COL5A1: variants seen among roughly 807,000 people sequenced by gnomAD.
COL5A1 encodes the protein collagen alpha-1(V) chain.
Under a neutral mutation model 263.7 loss-of-function variants are expected in COL5A1, and 16 were observed. That is an observed-to-expected ratio of 0.06 (90% CI 0.04 to 0.09). The LOEUF is 0.09. Ranked by LOEUF, COL5A1 falls within the 10% of genes least tolerant of loss-of-function variation. The pLI is 1.00. For missense variants in COL5A1, 2,036 were observed against 2,540.5 expected, an observed-to-expected ratio of 0.80 and a Z score of 4.27; for synonymous variants, 1,012 against 1,004.5, an observed-to-expected ratio of 1.01 and a Z score of -0.14.
chr9:134,829,879 C>CG lies in COL5A1; in HGVS notation c.5068-92dup, dbSNP rs1564183503. ...CCCCCCCGGCGTGAGGATGCAGGCG[C>CG]GGGGGCCGGGAAAGCCTGGGGCCTT... On this transcript the variant is annotated intron_variant, in intron 63 of 65. Coordinates refer to ENST00000371817, the MANE Select transcript of COL5A1 (RefSeq NM_000093.5). The CG allele has an allele frequency of 3.3e-5, 45 of 1,373,350 alleles. No individual in the cohort carries two copies. In the South Asian group the frequency reaches 5.2e-4, roughly 16 times the overall value. The allele number at this position is 1,373,350 out of a possible 1,614,324, so 85.1% of individuals were successfully genotyped here.
intron 39 of COL5A1, among the ~76,000 whole-genome samples, chr9:134,803,346 T>G (rs1233036871): frequency 6.6e-6 from 1 of 152,138 alleles, no homozygotes; most frequent in African/African-American, 2.4e-5. Flanking sequence ...TAAAAACCCC[T>G]CACCCCAGCC....
intron 49 of COL5A1, 31 bp downstream of exon 49, chr9:134,814,067 G>T (rs1838646110): frequency 1.3e-6 from 2 of 1,548,674 alleles, no homozygotes; most frequent in African/African-American, 2.7e-5. Flanking sequence ...GGAGGGGTGG[G>T]ATATGGCCGA....
At chr9:134,752,670 C>A (rs1835826757) in intron 14 of COL5A1, 25 bp downstream of exon 14, 4 of 1,593,292 alleles carry the variant, frequency 2.5e-6, no homozygotes, top group Middle Eastern at 3.3e-4. Context: ...AATCTGAGAG[C>A]TGGGCGTGGT....
Position 134,730,459 on chromosome 9 carries a change from C to CCTCCAA in COL5A1, c.1153_1158dup (p.Asn385_Ser386dup). On this transcript the variant is annotated inframe_insertion, in exon 7 of 66. Coordinates refer to ENST00000371817, the MANE Select transcript of COL5A1 (RefSeq NM_000093.5). ...GAAATTCCCACCAGCACCGCCGACA[C>CCTCCAA]CTCCAACTCCTCCAATGTAATTTCT... is the stretch of plus-strand genomic sequence containing the variant. 6.2e-7 allele frequency: 1 copy of CCTCCAA among 1,614,138 alleles called. No homozygotes were observed. Among genetic ancestry groups the CCTCCAA allele is most frequent in the Non-Finnish European group, 8.5e-7 (1 of 1,180,036 alleles).
intron 29 of COL5A1, among the ~76,000 whole-genome samples, chr9:134,782,955 G>A (rs1837316897): frequency 6.6e-6 from 1 of 152,230 alleles, no homozygotes; most frequent in South Asian, 2.1e-4. Flanking sequence ...ATAACCTGTG[G>A]TCGCCAGCTC....
chr9:134,698,968 GC>G (rs1833576359), intron 2 of COL5A1, among the ~76,000 whole-genome samples: 1 of 152,204 alleles, frequency 6.6e-6, no homozygotes. Flanking sequence ...CTGGGACACC[GC>G]TCCTTCTGGC....
At position 134,650,535 on chromosome 9, in the gene COL5A1, C is replaced by T. The variant is rs140142884; in HGVS notation, c.109+8239C>T. On this transcript the variant is annotated intron_variant, in intron 1 of 65. Transcript: ENST00000371817. ...TGCCCTACTGGGTCTTCCGCTGCGG[C>T]GGGGGAGTCAGCCATCTGAACAGGT... Among the ~76,000 whole-genome samples the T allele has an allele frequency of 7.2e-3, 1,096 of 152,348 alleles. 4 individuals carry two copies. The highest frequency in any genetic ancestry group is 0.02 in the Middle Eastern group (6 of 294).
chr9:134,651,380 G>T (rs1039191565), intron 1 of COL5A1, among the ~76,000 whole-genome samples: 1 of 152,262 alleles, frequency 6.6e-6, no homozygotes, highest in Non-Finnish European at 1.5e-5. Context: ...GGTGGTTCGT[G>T]CTTGTGGTCC....
At chr9:134,670,069 G>A (rs1354148679) in intron 1 of COL5A1, among the ~76,000 whole-genome samples, 1 of 152,186 alleles carries the variant, frequency 6.6e-6, no homozygotes, top group Admixed American at 6.5e-5. Context: ...GTTGTGCCCT[G>A]CACTTAGACA....
At chr9:134,692,404 C>T (rs1833318268) in intron 2 of COL5A1, among the ~76,000 whole-genome samples, 1 of 152,192 alleles carries the variant, frequency 6.6e-6, no homozygotes, top group African/African-American at 2.4e-5. Flanking sequence ...TCTGGGAGAG[C>T]ATCTCTTTTG....
chr9:134,767,121 G>A, intron 23 of COL5A1, 68 bp downstream of exon 23: 1 of 1,559,988 alleles, frequency 6.4e-7, no homozygotes, highest in Non-Finnish European at 8.8e-7. Context: ...CCAGTCCGGA[G>A]CCCTGGGAGG....
At chr9:134,747,724 G>A (rs946736109) in intron 11 of COL5A1, among the ~76,000 whole-genome samples, 1 of 122,750 alleles carries the variant, frequency 8.1e-6, no homozygotes, top group Non-Finnish European at 1.7e-5. Flanking sequence ...CACACATGCA[G>A]ACACATGCAC....
In COL5A1 at chr9:134,717,318, C is replaced by T. The variant is rs147449413; in HGVS notation, c.655-9948C>T. Among the ~76,000 whole-genome samples the T allele has an allele frequency of 1.6e-4, 25 of 152,356 alleles. 1 individual carries two copies. The highest frequency in any genetic ancestry group is 1.3e-3 in the East Asian group (7 of 5,186). On this transcript the variant is annotated intron_variant, in intron 4 of 65. Transcript: ENST00000371817. ...ATGATGGCACTGTACTTGCGGGGAA[C>T]GCAGTCGTGTTCTTAGCTCCTGTTT...
At chr9:134,768,528 C>A in intron 25 of COL5A1, 65 bp downstream of exon 25, 1 of 1,516,090 alleles carries the variant, frequency 6.6e-7, no homozygotes, top group African/African-American at 1.4e-5. Flanking sequence ...GATAGGGCTG[C>A]AGGCCCAGGC....
intron 18 of COL5A1, among the ~76,000 whole-genome samples, chr9:134,760,572 AC>A (rs1256666234): frequency 1.1e-5 from 1 of 90,390 alleles, no homozygotes; most frequent in Non-Finnish European, 2.1e-5. Flanking sequence ...ACACCCACAC[AC>A]CCCCACACTC....
At chr9:134,670,444 G>A (rs1832505563) in intron 1 of COL5A1, among the ~76,000 whole-genome samples, 1 of 152,168 alleles carries the variant, frequency 6.6e-6, no homozygotes, top group African/African-American at 2.4e-5. Context: ...CCCCATGTCC[G>A]AGAACTGGGG....
chr9:134,712,865 C>T (rs774842106), intron 4 of COL5A1, among the ~76,000 whole-genome samples: 6 of 151,952 alleles, frequency 3.9e-5, no homozygotes, highest in African/African-American at 1.2e-4. Context: ...CTCCCCTGGA[C>T]GCCTTTTTCC....
chr9:134,823,373 C>T (rs770372047), intron 60 of COL5A1, 43 bp from the exon 61 acceptor site: 23 of 1,609,332 alleles, frequency 1.4e-5, no homozygotes, highest in Non-Finnish European at 2.0e-5. Flanking sequence ...AAAGTCCCCT[C>T]ATACCTCTGT....
chr9:134,670,790 C>G (rs1332535955), intron 1 of COL5A1, among the ~76,000 whole-genome samples: 1 of 152,246 alleles, frequency 6.6e-6, no homozygotes, highest in African/African-American at 2.4e-5. Flanking sequence ...CCCCTCCTTC[C>G]CTCCCTTTCT....
Sources: gnomAD v4.1 joint callset for allele counts (sites outside exome capture counted in the v4.1 genomes callset) on GRCh38, gnomAD v4.1.1 for gene constraint, MANE v1.5 for transcripts, NCBI Gene and HGNC (gene_info 2026-07-23, HGNC 2026-07-21) for gene names.